The following CELF2 variants were observed in gnomAD, a reference collection of about 807,000 sequenced individuals.
CELF2 encodes the protein CUG triplet repeat RNA-binding protein 2.
Under a neutral mutation model 62.6 loss-of-function variants are expected in CELF2, and 8 were observed. The ratio of observed to expected loss-of-function variants is 0.13; its 90% confidence interval spans 0.07 to 0.23. The LOEUF (loss-of-function observed/expected upper bound fraction) is 0.23, where lower values mean the gene tolerates loss of function less well. Ranked by LOEUF, CELF2 falls within the 10% of genes least tolerant of loss-of-function variation. The pLI is 1.00. For missense variants in CELF2, 333 were observed against 671.0 expected, an observed-to-expected ratio of 0.50 and a Z score of 5.56; for synonymous variants, 258 against 250.0, an observed-to-expected ratio of 1.03 and a Z score of -0.30.
chr10:10,467,227 C>T, the CELF2 span, among the ~76,000 whole-genome samples: 1 of 152,024 alleles, frequency 6.6e-6, no homozygotes. Flanking sequence ...TGTTCACACA[C>T]AGTTATATCA....
In CELF2 at chr10:10,983,208, A is replaced by C. The variant is rs201101; in HGVS notation, c.89+63209A>C. On this transcript the variant is annotated intron_variant, in intron 2 of 13. Coordinates refer to the CELF2 transcript ENST00000636488. This position sits in a 1 kb window ranked among gnomAD's most constrained non-coding sequence, Gnocchi z 5.2. ...ATACAAGATGAAAATATTAGATAAA[A>C]AGTGATACATCTGAATTATGTATTT... Among the ~76,000 whole-genome samples the C allele has an allele frequency of 6.6e-6, 1 of 152,094 alleles. No homozygotes were observed. The highest frequency in any genetic ancestry group is 2.4e-5 in the African/African-American group (1 of 41,360).
chr10:10,624,347 G>A, the CELF2 span, among the ~76,000 whole-genome samples: 5 of 152,124 alleles, frequency 3.3e-5, no homozygotes, highest in Middle Eastern at 3.2e-3. Flanking sequence ...TCCAGAACAC[G>A]TGAGCCATAC....
the CELF2 span, among the ~76,000 whole-genome samples, chr10:10,615,134 T>G: frequency 2.0e-5 from 3 of 152,118 alleles, no homozygotes; most frequent in Non-Finnish European, 4.4e-5. Context: ...TACTCACTGT[T>G]GTCTAATTTA....
chr10:10,557,261 G>C, the CELF2 span, among the ~76,000 whole-genome samples: 1 of 148,370 alleles, frequency 6.7e-6, no homozygotes, highest in Non-Finnish European at 1.5e-5. Flanking sequence ...TGGCTAGCCA[G>C]TTTTCCCAGC....
chr10:11,132,482 A>G (rs2131888809), intron 1 of CELF2, among the ~76,000 whole-genome samples: 1 of 152,338 alleles, frequency 6.6e-6, no homozygotes, highest in African/African-American at 2.4e-5. Flanking sequence ...AAGAACCTTC[A>G]TAATTCAGCA....
At chr10:10,703,150 A>G in the CELF2 span, among the ~76,000 whole-genome samples, 1 of 152,224 alleles carries the variant, frequency 6.6e-6, no homozygotes, top group Non-Finnish European at 1.5e-5. Flanking sequence ...ATTCTATAAA[A>G]TAACAATTGA....
At chr10:10,651,153 C>T in the CELF2 span, among the ~76,000 whole-genome samples, 1 of 125,894 alleles carries the variant, frequency 7.9e-6, no homozygotes, top group African/African-American at 2.9e-5. Flanking sequence ...GAATTTTGCG[C>T]TTTTCAGACC....
chr10:10,669,517 A>G, the CELF2 span, among the ~76,000 whole-genome samples: 89 of 152,294 alleles, frequency 5.8e-4, no homozygotes, highest in African/African-American at 2.0e-3. Context: ...TTCCCAAACT[A>G]TTCATAACAC....
At position 11,260,342 on chromosome 10, in the gene CELF2, C is replaced by T. The variant is rs1042817115; in HGVS notation, c.538+2470C>T. On this transcript the variant is annotated intron_variant, in intron 5 of 12. Coordinates refer to ENST00000633077, the MANE Select transcript of CELF2 (RefSeq NM_001326342.2). The surrounding 1 kb of genome is among the most constrained non-coding windows in gnomAD (Gnocchi z 4.2). ...AGGCAGTGACTCTCTGGCACATTTT[C>T]TCTGTCTGTCCAGTGGGGACAGTAA... is the stretch of plus-strand genomic sequence containing the variant. Among the ~76,000 whole-genome samples the T allele has an allele frequency of 1.3e-5, 2 of 152,358 alleles. No homozygotes were observed. The highest frequency in any genetic ancestry group is 1.9e-4 in the East Asian group (1 of 5,190).
intron 1 of CELF2, among the ~76,000 whole-genome samples, chr10:11,024,641 TGAA>T (rs1306597373): frequency 6.6e-6 from 1 of 151,544 alleles, no homozygotes; most frequent in East Asian, 1.9e-4. Context: ...ATAATAATAA[TGAA>T]GAAGTCCCGG....
intron 1 of CELF2, among the ~76,000 whole-genome samples, chr10:11,085,777 T>G (rs1285871626): frequency 1.3e-5 from 2 of 152,204 alleles, no homozygotes; most frequent in African/African-American, 4.8e-5. Context: ...TATAATGTCA[T>G]ATTAACCACA....
rs2046682653 is a variant in CELF2 at position 10,938,672 on chromosome 10, C to T, written c.89+18673C>T. ...AGTTTGTAGGTTCACTGAATTTCCCCAAAGAAGATCCTGAGACAAGAATTT... is the reference window on the plus strand; with the variant it reads ...AGTTTGTAGGTTCACTGAATTTCCCTAAAGAAGATCCTGAGACAAGAATTT... On this transcript the variant is annotated intron_variant, in intron 2 of 13. Transcript: ENST00000636488. The surrounding 1 kb of genome is among the most constrained non-coding windows in gnomAD (Gnocchi z 4.2). Among the ~76,000 whole-genome samples the T allele has an allele frequency of 6.6e-6, 1 of 151,602 alleles. No homozygotes were observed. The highest frequency in any genetic ancestry group is 2.4e-5 in the African/African-American group (1 of 41,188).
At chr10:10,752,331 TAA>T in the CELF2 span, among the ~76,000 whole-genome samples, 1 of 152,182 alleles carries the variant, frequency 6.6e-6, no homozygotes, top group Non-Finnish European at 1.5e-5. Context: ...AGCTTTTAAA[TAA>T]AGCTGGCTCT....
intron 1 of CELF2, among the ~76,000 whole-genome samples, chr10:11,009,804 C>T (rs1256156532): frequency 6.6e-6 from 1 of 152,192 alleles, no homozygotes; most frequent in Non-Finnish European, 1.5e-5. Context: ...GTTCCACAAA[C>T]TTTGTTGTCA....
chr10:11,009,373 G>T (rs868130300), intron 1 of CELF2, among the ~76,000 whole-genome samples: 6 of 151,964 alleles, frequency 3.9e-5, no homozygotes, highest in African/African-American at 1.5e-4. Flanking sequence ...GCGTGCGCGC[G>T]TCGGAACCTC....
At chr10:11,093,293 A>G (rs1595079467) in intron 1 of CELF2, among the ~76,000 whole-genome samples, 1 of 152,202 alleles carries the variant, frequency 6.6e-6, no homozygotes, top group African/African-American at 2.4e-5. Flanking sequence ...CCAGTGGACT[A>G]TTCCCAGGAT....
At chr10:10,735,152 T>C in the CELF2 span, among the ~76,000 whole-genome samples, 20 of 152,326 alleles carry the variant, frequency 1.3e-4, no homozygotes, top group Admixed American at 8.5e-4. Flanking sequence ...ATGCACCCCA[T>C]AGGAAATGTT....
intron 8 of CELF2, among the ~76,000 whole-genome samples, chr10:11,286,241 G>T (rs954856918): frequency 6.6e-6 from 1 of 152,224 alleles, no homozygotes; most frequent in Non-Finnish European, 1.5e-5. Context: ...ACCTGGGAGG[G>T]TCATATATGT....
chr10:10,755,309 T>C, the CELF2 span, among the ~76,000 whole-genome samples: 6 of 152,344 alleles, frequency 3.9e-5, no homozygotes, highest in East Asian at 1.2e-3. Context: ...TATTGGCTCT[T>C]CTTCACAGTG....
Sources: gnomAD v4.1 joint callset for allele counts (sites outside exome capture counted in the v4.1 genomes callset) on GRCh38, gnomAD v4.1.1 for gene constraint, Gnocchi (gnomAD v3.1) non-coding constraint, MANE v1.5 for transcripts, NCBI Gene and HGNC (gene_info 2026-07-23, HGNC 2026-07-21) for gene names.